The following AOC3 variants were observed in gnomAD, a reference collection of about 807,000 sequenced individuals.
The protein encoded by AOC3 is amine oxidase [copper-containing] 3.
Under a neutral mutation model 55.4 loss-of-function variants are expected in AOC3, and 47 were observed. The observed-to-expected ratio is 0.85, with a 90% CI of 0.67 to 1.08. The LOEUF is 1.08. Among genes scored for constraint, AOC3 ranks in the 50% least tolerant of loss-of-function variants. The pLI is 0.00. For missense variants in AOC3, 853 were observed against 993.1 expected, an observed-to-expected ratio of 0.86 and a Z score of 1.90; for synonymous variants, 386 against 410.7, an observed-to-expected ratio of 0.94 and a Z score of 0.73.
chr17:42,857,602 G>C lies in AOC3; in HGVS notation c.*1052G>C, dbSNP rs1161824733. On this transcript the variant is annotated 3_prime_UTR_variant, in exon 4 of 4. Coordinates refer to ENST00000308423, the MANE Select transcript of AOC3 (RefSeq NM_003734.4). ...GAATGAGCTGGGCCCTGGGTGAGGT[G>C]GGGGTCTGGCCTAGTGGGGAGGGGC... is the stretch of plus-strand genomic sequence containing the variant. 2 of 152,384 alleles carry C rather than the reference G, an allele frequency of 1.3e-5. No homozygotes were observed. The highest frequency in any genetic ancestry group is 2.9e-5 in the Non-Finnish European group (2 of 68,092). 9.4% of individuals were successfully genotyped at this position (152,384 alleles called of 1,614,324 possible). A position where few individuals can be genotyped will look rare whatever the true frequency, so the allele number is the denominator to read the frequency against.
chr17:42,851,619 G>C lies in AOC3; in HGVS notation c.276G>C (p.Ser92=). Residue 92 remains serine, a synonymous_variant, in exon 1 of 4, where the codon TCG becomes TCC. Transcript: ENST00000308423. ...TGGATGCAGCCCAGGCCCGGCCCTC[G>C]GACAACTGTGTCTTCTCAGTGGAGT... is the stretch of plus-strand genomic sequence containing the variant. ...GLVDAAQARP[S]DNCVFSVELQ... is the part of the protein sequence containing the mutation. The C allele has an allele frequency of 6.2e-7, 1 of 1,612,754 alleles. No individual in the cohort carries two copies.
intron 1 of AOC3, chr17:42,854,174 C>T (rs1378835539): frequency 2.3e-5 from 7 of 299,450 alleles, no homozygotes; most frequent in Non-Finnish European, 3.7e-5. Flanking sequence ...GATCATTCAT[C>T]TCTATCCCCA....
At chr17:42,855,203 A>G (rs2055732380) in intron 2 of AOC3, among the ~76,000 whole-genome samples, 1 of 152,208 alleles carries the variant, frequency 6.6e-6, no homozygotes, top group Non-Finnish European at 1.5e-5. Context: ...CTTGGAGGCT[A>G]AAGCCCAGGA....
At chr17:42,855,896 C>T (rs1320271385) in intron 3 of AOC3, among the ~76,000 whole-genome samples, 1 of 152,172 alleles carries the variant, frequency 6.6e-6, no homozygotes, top group African/African-American at 2.4e-5. Context: ...TCTCCCATTC[C>T]TGACTTGATG....
Position 42,851,217 on chromosome 17 carries a change from A to ACCGGGAACCTCAGCCAGAGT in AOC3, c.-120_-101dup. 1 of 1,069,898 alleles carries ACCGGGAACCTCAGCCAGAGT rather than the reference A, an allele frequency of 9.3e-7. No individual in the cohort carries two copies. Among genetic ancestry groups the ACCGGGAACCTCAGCCAGAGT allele is most frequent in the Non-Finnish European group, 1.4e-6 (1 of 737,652 alleles). The allele number at this position is 1,069,898 out of a possible 1,614,324, so 66.3% of individuals were successfully genotyped here. ...CACCCTTAGTCCCAGGCATCTGACT[A>ACCGGGAACCTCAGCCAGAGT]CCGGGAACCTCAGCCAGAGTCCGGG... On this transcript the variant is annotated 5_prime_UTR_variant, in exon 1 of 4. Transcript: ENST00000308423.
Position 42,852,793 on chromosome 17 carries a change from G to A in AOC3, c.1450G>A (p.Ala484Thr), listed in dbSNP as rs1391593201. Residue 484 changes from alanine to threonine, a missense_variant, in exon 1 of 4, where the codon GCC (alanine) becomes ACC (threonine). Coordinates refer to ENST00000308423, the MANE Select transcript of AOC3 (RefSeq NM_003734.4). ...GGATACGGTCTTCCACCCCAGTGGG[G>A]CCATAGAAATACGATTCTATGCCAC... ...VWDTVFHPSG[A>T]IEIRFYATGY... is the part of the protein sequence containing the mutation. 3 of 1,613,908 alleles carry A rather than the reference G, an allele frequency of 1.9e-6. No individual in the cohort carries two copies. The highest frequency in any genetic ancestry group is 1.3e-5 in the African/African-American group (1 of 74,900).
rs2055660040 is a variant in AOC3 at position 42,851,313 on chromosome 17, G to A, written c.-31G>A. On this transcript the variant is annotated 5_prime_UTR_variant, in exon 1 of 4. Coordinates refer to ENST00000308423, the MANE Select transcript of AOC3 (RefSeq NM_003734.4). ...GCGTGAGAATACATTGCTCTCCTTT[G>A]GTTGAATCAGCTGTCCCTCTTCGTG... is the stretch of plus-strand genomic sequence containing the variant. The A allele has an allele frequency of 1.3e-6, 2 of 1,566,440 alleles. No homozygotes were observed. The highest frequency in any genetic ancestry group is 3.5e-5 in the Admixed American group (2 of 56,418).
At position 42,856,868 on chromosome 17, in the gene AOC3, C is replaced by A; in HGVS notation, c.*318C>A. The A allele has an allele frequency of 2.5e-6, 1 of 399,238 alleles. No individual in the cohort carries two copies. 24.7% of individuals were successfully genotyped at this position (399,238 alleles called of 1,614,324 possible). On this transcript the variant is annotated 3_prime_UTR_variant, in exon 4 of 4. Coordinates refer to ENST00000308423, the MANE Select transcript of AOC3 (RefSeq NM_003734.4). ...TTGTTGCTGTCTGGCTTTCCCGAAT[C>A]TTTTTAGGCCACCTCCAAGGACTCT...
chr17:42,851,205 A>T lies in AOC3; in HGVS notation c.-139A>T. 1.5e-6 allele frequency: 1 copy of T among 671,486 alleles called. No individual in the cohort carries two copies. Among genetic ancestry groups the T allele is most frequent in the Non-Finnish European group, 2.2e-6 (1 of 462,536 alleles). 41.6% of individuals were successfully genotyped at this position (671,486 alleles called of 1,614,324 possible). ...CTGTGTCCTTCCCACCCTTAGTCCC[A>T]GGCATCTGACTACCGGGAACCTCAG... On this transcript the variant is annotated 5_prime_UTR_variant, in exon 1 of 4. Coordinates refer to ENST00000308423, the MANE Select transcript of AOC3 (RefSeq NM_003734.4).
rs1033175310 is a variant in AOC3, at chr17:42,856,668, T to C, written c.*118T>C. On this transcript the variant is annotated 3_prime_UTR_variant, in exon 4 of 4. Coordinates refer to ENST00000308423, the MANE Select transcript of AOC3 (RefSeq NM_003734.4). ...CTCTTTCCTGTGCCAGGACTCTCTT[T>C]CTTCCACTACCCTCCCTCGCATCCG... 5.4e-5 allele frequency: 67 copies of C among 1,231,542 alleles called. No individual in the cohort carries two copies. In the African/African-American group the frequency reaches 6.8e-4, roughly 13 times the overall value. The allele number at this position is 1,231,542 out of a possible 1,614,324, so 76.3% of individuals were successfully genotyped here.
rs557698895 is a variant in AOC3 at position 42,852,232 on chromosome 17, G to A, written c.889G>A (p.Gly297Ser). The A allele has an allele frequency of 9.3e-6, 15 of 1,613,562 alleles. No homozygotes were observed. The East Asian group carries it at 3.1e-4, about 34-fold the overall frequency. Residue 297 changes from glycine (G) to serine (S), a missense_variant, in exon 1 of 4, where the codon GGT (glycine) becomes AGT (serine). By Grantham distance (56) the Gly-to-Ser change is moderately conservative. Coordinates refer to ENST00000308423, the MANE Select transcript of AOC3 (RefSeq NM_003734.4). ...GGTGCTGATCCCAGACAATGGCACAGGTGGGTCCTGGTCCCTGAAGTCCCC... is the reference window on the plus strand; with the variant it reads ...GGTGCTGATCCCAGACAATGGCACAAGTGGGTCCTGGTCCCTGAAGTCCCC... ...NVVLIPDNGT[G>S]GSWSLKSPVP...
rs1420238446 is a variant in AOC3, at chr17:42,851,811, T to C, written c.468T>C (p.Thr156=). The C allele has an allele frequency of 6.2e-6, 10 of 1,613,442 alleles. No homozygotes were observed. Among genetic ancestry groups the C allele is most frequent in the Non-Finnish European group, 8.5e-6 (10 of 1,180,040 alleles). ...ACCCCTCCTACATGCGGGACGTGAC[T>C]GTGGAGCGTCATGGAGGCCCCCTGC... The part of the protein sequence containing the change: ...LPHPSYMRDV[T]VERHGGPLPY... Residue 156 remains threonine, a synonymous_variant, in exon 1 of 4, where the codon ACT becomes ACC. Coordinates refer to ENST00000308423, the MANE Select transcript of AOC3 (RefSeq NM_003734.4).
Position 42,852,614 on chromosome 17 carries a change from C to A in AOC3, c.1271C>A (p.Thr424Lys). ...HFLLESQAPK[T>K]IRDAFCVFEQ... ...CTTTTGGAGTCCCAGGCCCCCAAGA[C>A]AATACGTGATGCCTTTTGTGTGTTT... Residue 424 changes from threonine to lysine, a missense_variant, in exon 1 of 4, where the codon ACA becomes AAA. Coordinates refer to ENST00000308423, the MANE Select transcript of AOC3 (RefSeq NM_003734.4). The A allele has an allele frequency of 6.2e-7, 1 of 1,614,226 alleles. No homozygotes were observed. The highest frequency in any genetic ancestry group is 8.5e-7 in the Non-Finnish European group (1 of 1,180,042).
rs559067432 is a variant in AOC3 at position 42,851,472 on chromosome 17, T to C, written c.129T>C (p.Ser43=). 3.3e-5 allele frequency: 53 copies of C among 1,614,236 alleles called. No individual in the cohort carries two copies. In the African/African-American group the frequency reaches 5.9e-4, roughly 18 times the overall value. The change falls in exon 1 of 4, where the codon TCT becomes TCC. Residue 43 remains serine, a synonymous_variant. Transcript: ENST00000308423. Reference sequence around the variant, plus strand: ...CCAGCCAGCTTCCCCATTGCCCCTCTGTATCTCCCAGTGCCCAGCCTTGGA... The same window carrying C: ...CCAGCCAGCTTCCCCATTGCCCCTCCGTATCTCCCAGTGCCCAGCCTTGGA... ...GEPSQLPHCP[S]VSPSAQPWTH...
rs770536418 is a variant in AOC3, at chr17:42,851,689, G to A, written c.346G>A (p.Gly116Arg). Residue 116 changes from glycine (G) to arginine (R), a missense_variant, in exon 1 of 4, where the codon GGG becomes AGG. Transcript: ENST00000308423. Reference sequence around the variant, plus strand: ...TGCAGCCCTGGCTCACTTGGACAGGGGGAGCCCCCCACCTGCCCGGGAGGC... The same window carrying A: ...TGCAGCCCTGGCTCACTTGGACAGGAGGAGCCCCCCACCTGCCCGGGAGGC... ...KAAALAHLDR[G>R]SPPPAREALA... 139 of 1,612,526 alleles carry A rather than the reference G, an allele frequency of 8.6e-5. No individual in the cohort carries two copies. The highest frequency in any genetic ancestry group is 5.8e-5 in the Non-Finnish European group (68 of 1,179,854).
Position 42,851,394 on chromosome 17 carries a change from C to T in AOC3, c.51C>T (p.Ile17=). The T allele has an allele frequency of 6.8e-6, 11 of 1,612,836 alleles. No homozygotes were observed. The highest frequency in any genetic ancestry group is 9.3e-6 in the Non-Finnish European group (11 of 1,179,328). ...LVLLILAVIT[I]FALVCVLLVG... is the part of the protein sequence containing the mutation. ...TCCTCATTCTGGCCGTCATCACCAT[C>T]TTTGCCTTGGTTTGTGTCCTGCTGG... Residue 17 remains isoleucine (I), a synonymous_variant, in exon 1 of 4, where the codon ATC becomes ATT. Coordinates refer to ENST00000308423, the MANE Select transcript of AOC3 (RefSeq NM_003734.4).
intron 2 of AOC3, 139 bp from the exon 3 acceptor site, chr17:42,855,305 G>A (rs1374672254): frequency 6.0e-6 from 7 of 1,174,996 alleles, no homozygotes; most frequent in Admixed American, 2.3e-5. Flanking sequence ...TTAGGGTGAC[G>A]TCGGGGATTC....
chr17:42,854,670 T>G lies in AOC3; in HGVS notation c.1823T>G (p.Leu608Arg). Residue 608 changes from leucine to arginine, a missense_variant, in exon 2 of 4, where the codon CTC (leucine) becomes CGC (arginine). Leu to Arg is a moderately radical substitution (Grantham distance 102). Coordinates refer to ENST00000308423, the MANE Select transcript of AOC3 (RefSeq NM_003734.4). ...CCCCGGGGCTACCGCATCCAGATGC[T>G]CAGCTTTGCTGGAGAGCCGCTGCCC... ...GHPRGYRIQM[L>R]SFAGEPLPQN... 6.5e-7 allele frequency: 1 copy of G among 1,527,546 alleles called. No individual in the cohort carries two copies. The highest frequency in any genetic ancestry group is 8.8e-7 in the Non-Finnish European group (1 of 1,131,842). 94.6% of individuals were successfully genotyped at this position (1,527,546 alleles called of 1,614,324 possible). A position where few individuals can be genotyped will look rare whatever the true frequency, so the allele number is the denominator to read the frequency against.
chr17:42,854,851 CTT>C (rs34666602), intron 2 of AOC3, 118 bp downstream of exon 2: 28,074 of 703,740 alleles, frequency 0.04, 2 homozygotes, highest in Middle Eastern at 0.044. Flanking sequence ...TTTTCTTTTC[CTT>C]TTTTTTTTTT....
Sources: gnomAD v4.1 joint callset for allele counts (sites outside exome capture counted in the v4.1 genomes callset) on GRCh38, gnomAD v4.1.1 for gene constraint, MANE v1.5 for transcripts, NCBI Gene and HGNC (gene_info 2026-07-23, HGNC 2026-07-21) for gene names.